Variants in TRDMT1 observed in about 807,000 individuals in gnomAD.
TRDMT1 encodes the protein tRNA (cytosine(38)-C(5))-methyltransferase.
Under a neutral mutation model 51.2 loss-of-function variants are expected in TRDMT1, and 49 were observed. That is an observed-to-expected ratio of 0.96 (90% CI 0.76 to 1.21). The LOEUF is 1.21. TRDMT1 is among the 50% of genes most tolerant of loss of function. The pLI is 0.00. For missense variants in TRDMT1, 534 were observed against 462.3 expected, an observed-to-expected ratio of 1.16 and a Z score of -1.42; for synonymous variants, 187 against 164.6, an observed-to-expected ratio of 1.14 and a Z score of -1.04.
intron 1 of TRDMT1, among the ~76,000 whole-genome samples, chr10:17,179,062 T>A (rs971401507): frequency 2.0e-5 from 3 of 151,940 alleles, no homozygotes; most frequent in African/African-American, 7.3e-5. Flanking sequence ...AGGAGCACAG[T>A]GAAGGAATCT....
chr10:17,149,704 G>C (rs1311869677), intron 10 of TRDMT1, among the ~76,000 whole-genome samples: 3 of 152,012 alleles, frequency 2.0e-5, no homozygotes, highest in South Asian at 4.2e-4. Flanking sequence ...GTGTCTACTG[G>C]ATTATATTTC....
chr10:17,165,728 C>T (rs1293846893), intron 3 of TRDMT1, among the ~76,000 whole-genome samples: 3 of 152,198 alleles, frequency 2.0e-5, no homozygotes. Context: ...ACAGACACTT[C>T]TCAAAAGAAG....
chr10:17,151,416 G>A, intron 10 of TRDMT1: 1 of 979,322 alleles, frequency 1.0e-6, no homozygotes. Context: ...ACAGAACCAG[G>A]ACAGAGGGTT....
Position 17,157,773 on chromosome 10 carries a change from C to A in TRDMT1, c.555G>T (p.Glu185Asp). 1.3e-6 allele frequency: 2 copies of A among 1,591,382 alleles called. No homozygotes were observed. Among genetic ancestry groups the A allele is most frequent in the Non-Finnish European group, 1.7e-6 (2 of 1,170,518 alleles). The change falls in exon 8 of 11, where the codon GAG (glutamate) becomes GAT (aspartate). Residue 185 changes from glutamate (E) to aspartate (D), a missense_variant. Transcript: ENST00000377799. ...GATGTACAGATTCAATTTTGGGGAA[C>A]TCCATCAGTACCTGGCATTACATAA... ...PFQAPGQVLM[E>D]FPKIESVHPQ... is the part of the protein sequence containing the mutation.
At chr10:17,164,141 C>A (rs1840824257) in intron 3 of TRDMT1, among the ~76,000 whole-genome samples, 1 of 152,196 alleles carries the variant, frequency 6.6e-6, no homozygotes, top group African/African-American at 2.4e-5. Context: ...CAAACCGAAT[C>A]CAGCAGCACA....
chr10:17,161,374 TA>T, intron 5 of TRDMT1, 108 bp downstream of exon 5: 1 of 761,606 alleles, frequency 1.3e-6, no homozygotes, highest in Non-Finnish European at 1.8e-6. Flanking sequence ...ATTTAATATA[TA>T]AAATGTCAGA....
rs759582496 is a variant in TRDMT1, at chr10:17,145,442, A to G, written c.*3598T>C. ...GATTAACTAGTAGACAGAGGTCCAA[A>G]GGCCATGTCTTTAAAAATTATATAA... On this transcript the variant is annotated 3_prime_UTR_variant, in exon 11 of 11. Coordinates refer to ENST00000377799, the MANE Select transcript of TRDMT1 (RefSeq NM_004412.7). 4.8e-5 allele frequency: 47 copies of G among 985,306 alleles called. No homozygotes were observed. Among genetic ancestry groups the G allele is most frequent in the Non-Finnish European group, 3.4e-5 (28 of 829,942 alleles). The allele number at this position is 985,306 out of a possible 1,614,324, so 61.0% of individuals were successfully genotyped here.
intron 1 of TRDMT1, among the ~76,000 whole-genome samples, chr10:17,181,622 C>T (rs1843289042): frequency 6.6e-6 from 1 of 152,144 alleles, no homozygotes. Flanking sequence ...TATGTCTGAA[C>T]TTATATGATT....
At chr10:17,171,930 T>A (rs900777344) in intron 2 of TRDMT1, 4 of 166,620 alleles carry the variant, frequency 2.4e-5, no homozygotes, top group East Asian at 1.9e-4. Flanking sequence ...AGAGTTTTTG[T>A]TCCACTGGAG....
chr10:17,150,566 G>A (rs1838559645), intron 10 of TRDMT1: 3 of 985,152 alleles, frequency 3.0e-6, no homozygotes, highest in Non-Finnish European at 3.6e-6. Context: ...TAGTTATAAT[G>A]GCAGGATTCC....
chr10:17,166,174 T>C (rs1028959657), intron 3 of TRDMT1, among the ~76,000 whole-genome samples: 3 of 152,068 alleles, frequency 2.0e-5, no homozygotes, highest in African/African-American at 4.8e-5. Flanking sequence ...ATATACACCA[T>C]GGAATACTAT....
chr10:17,150,541 T>C (rs1838553853), intron 10 of TRDMT1: 1 of 985,094 alleles, frequency 1.0e-6, no homozygotes, highest in Non-Finnish European at 1.2e-6. Flanking sequence ...CGTACAAGCG[T>C]GTGCACTATA....
Position 17,141,169 on chromosome 10 carries a change from TA to T in TRDMT1, c.*7870del. Reference sequence around the variant, plus strand: ...TTTTCTCCAGCTGCTTTTATTTATTTATTTATTTTTTTGAGACGGAGTCTCA... The same window carrying T: ...TTTTCTCCAGCTGCTTTTATTTATTTTTTATTTTTTTGAGACGGAGTCTCA... On this transcript the variant is annotated 3_prime_UTR_variant, in exon 11 of 11. Transcript: ENST00000377799. Among the ~76,000 whole-genome samples the T allele has an allele frequency of 6.6e-6, 1 of 152,150 alleles. No homozygotes were observed. The highest frequency in any genetic ancestry group is 2.4e-5 in the African/African-American group (1 of 41,396).
chr10:17,197,890 C>T (rs1231415240), intron 1 of TRDMT1, among the ~76,000 whole-genome samples: 1 of 152,012 alleles, frequency 6.6e-6, no homozygotes, highest in Non-Finnish European at 1.5e-5. Context: ...AAAAATTAGC[C>T]AGGCATGGTG....
chr10:17,201,622 G>T lies in TRDMT1; in HGVS notation c.13C>A (p.Arg5=). 1 of 1,544,826 alleles carries T rather than the reference G, an allele frequency of 6.5e-7. No individual in the cohort carries two copies. The highest frequency in any genetic ancestry group is 8.7e-7 in the Non-Finnish European group (1 of 1,144,680). MEPL[R]VLELYSGVGG... ...ACGCCGCTGTATAGCTCCAGCACCC[G>T]CAGGGGCTCCATCCCCGCGCCTCAG... Residue 5 remains arginine, a synonymous_variant, in exon 1 of 11, where the codon CGG becomes AGG. Coordinates refer to ENST00000377799, the MANE Select transcript of TRDMT1 (RefSeq NM_004412.7).
rs1033883774 is a variant in TRDMT1, at chr10:17,167,322, C to A, written c.251+1519G>T. On this transcript the variant is annotated intron_variant, in intron 3 of 10. Transcript: ENST00000377799. ...TTACATATGATATTCTACTTAAAATCATGGAATATATAAAATGATTAACAA... is the reference window on the plus strand; with the variant it reads ...TTACATATGATATTCTACTTAAAATAATGGAATATATAAAATGATTAACAA... Among the ~76,000 whole-genome samples the A allele has an allele frequency of 1.2e-3, 189 of 152,148 alleles. 1 individual carries two copies. The highest frequency in any genetic ancestry group is 3.2e-3 in the Middle Eastern group (1 of 316).
Position 17,144,674 on chromosome 10 carries a change from A to G in TRDMT1, c.*4366T>C. On this transcript the variant is annotated 3_prime_UTR_variant, in exon 11 of 11. Transcript: ENST00000377799. ...AATATATTTAAAAAGAAATAAATTC[A>G]CAAGCTAAGACATGAATGGTGATGG... The G allele has an allele frequency of 1.0e-6, 1 of 985,438 alleles. No homozygotes were observed. Among genetic ancestry groups the G allele is most frequent in the Non-Finnish European group, 1.2e-6 (1 of 829,918 alleles). 61.0% of individuals were successfully genotyped at this position (985,438 alleles called of 1,614,324 possible). A position where few individuals can be genotyped will look rare whatever the true frequency, so the allele number is the denominator to read the frequency against.
In TRDMT1 at chr10:17,142,173, A is replaced by T. The variant is rs574430402; in HGVS notation, c.*6867T>A. 2 of 152,260 alleles carry T rather than the reference A, an allele frequency of 1.3e-5. No homozygotes were observed. Among genetic ancestry groups the T allele is most frequent in the East Asian group, 3.9e-4 (2 of 5,182 alleles). 9.4% of individuals were successfully genotyped at this position (152,260 alleles called of 1,614,324 possible). A position where few individuals can be genotyped will look rare whatever the true frequency, so the allele number is the denominator to read the frequency against. ...TCAGTGTTGTCATCTGTTGACTGTC[A>T]TTTCTTATTCAAGTTGTGATTTTTC... On this transcript the variant is annotated 3_prime_UTR_variant, in exon 11 of 11. Coordinates refer to ENST00000377799, the MANE Select transcript of TRDMT1 (RefSeq NM_004412.7).
intron 8 of TRDMT1, among the ~76,000 whole-genome samples, chr10:17,157,234 T>G (rs10219066): frequency 0.025 from 3,770 of 152,250 alleles, 139 homozygotes; most frequent in African/African-American, 0.084. Context: ...TATGAGCACT[T>G]TTGTGGGTGG....
Sources: gnomAD v4.1 joint callset for allele counts (sites outside exome capture counted in the v4.1 genomes callset) on GRCh38, gnomAD v4.1.1 for gene constraint, MANE v1.5 for transcripts, NCBI Gene and HGNC (gene_info 2026-07-23, HGNC 2026-07-21) for gene names.